Variants in BAZ2B observed in about 807,000 individuals in gnomAD.
The protein encoded by BAZ2B is bromodomain adjacent to zinc finger domain 2B.
In BAZ2B, 91 loss-of-function variants were observed where a neutral mutation model predicts 246.0. That is an observed-to-expected ratio of 0.37 (90% CI 0.31 to 0.44). The LOEUF (loss-of-function observed/expected upper bound fraction) is 0.44. Among genes scored for constraint, BAZ2B ranks in the 20% least tolerant of loss-of-function variants. The pLI is 1.00. For missense variants in BAZ2B, 2,332 were observed against 2,533.7 expected, an observed-to-expected ratio of 0.92 and a Z score of 1.71; for synonymous variants, 855 against 860.0, an observed-to-expected ratio of 0.99 and a Z score of 0.10.
chr2:159,575,065 T>A (rs1008514963), intron 1 of BAZ2B, among the ~76,000 whole-genome samples: 1 of 152,182 alleles, frequency 6.6e-6, no homozygotes, highest in African/African-American at 2.4e-5. Flanking sequence ...TTATGTTACA[T>A]GACAGAAGCC....
chr2:159,445,073 T>C (rs1319354999), intron 6 of BAZ2B, among the ~76,000 whole-genome samples: 1 of 152,154 alleles, frequency 6.6e-6, no homozygotes, highest in Admixed American at 6.6e-5. Flanking sequence ...ATGACCTACA[T>C]TTTATAAAAT....
chr2:159,587,709 G>C (rs1688362557), intron 1 of BAZ2B, among the ~76,000 whole-genome samples: 1 of 151,948 alleles, frequency 6.6e-6, no homozygotes, highest in South Asian at 2.1e-4. Flanking sequence ...TAATTCTCCG[G>C]ATGTACTTAT....
chr2:159,409,450 T>C (rs1440619060), intron 14 of BAZ2B, among the ~76,000 whole-genome samples: 1 of 152,226 alleles, frequency 6.6e-6, no homozygotes. Flanking sequence ...AAAGTCTTTA[T>C]CATATTCAAA....
At chr2:159,632,374 G>T in the BAZ2B span, among the ~76,000 whole-genome samples, 1 of 152,164 alleles carries the variant, frequency 6.6e-6, no homozygotes, top group East Asian at 1.9e-4. Flanking sequence ...TAAATTCTCA[G>T]GAATTTTGCA....
At chr2:159,668,680 T>C in the BAZ2B span, among the ~76,000 whole-genome samples, 2 of 152,228 alleles carry the variant, frequency 1.3e-5, no homozygotes, top group Non-Finnish European at 2.9e-5. Flanking sequence ...CTTTATTCCT[T>C]CTTCCTTCTA....
At chr2:159,672,898 T>A in the BAZ2B span, among the ~76,000 whole-genome samples, 2 of 152,104 alleles carry the variant, frequency 1.3e-5, no homozygotes, top group Non-Finnish European at 2.9e-5. Context: ...AAGTATGAAA[T>A]GATACAAAGA....
the BAZ2B span, among the ~76,000 whole-genome samples, chr2:159,624,422 C>T: frequency 6.6e-6 from 1 of 152,214 alleles, no homozygotes; most frequent in Non-Finnish European, 1.5e-5. Flanking sequence ...TAGGGGCTGA[C>T]AGATACCTCA....
chr2:159,546,860 G>A (rs1264285375), intron 2 of BAZ2B, among the ~76,000 whole-genome samples: 2 of 152,030 alleles, frequency 1.3e-5, no homozygotes, highest in Non-Finnish European at 1.5e-5. Flanking sequence ...AAATCTGAAA[G>A]GCAGAAATGA....
intron 1 of BAZ2B, among the ~76,000 whole-genome samples, chr2:159,607,205 C>T (rs185937608): frequency 6.6e-6 from 1 of 152,226 alleles, no homozygotes; most frequent in African/African-American, 2.4e-5. Context: ...CAGCAGTCTG[C>T]TTGTCTTCTG....
intron 14 of BAZ2B, chr2:159,412,076 G>A (rs915374228): frequency 1.7e-6 from 1 of 589,990 alleles, no homozygotes; most frequent in Admixed American, 6.3e-5. Context: ...TTCTGTGCAA[G>A]CCTTAAAAGC....
At chr2:159,661,813 A>G in the BAZ2B span, among the ~76,000 whole-genome samples, 4 of 151,750 alleles carry the variant, frequency 2.6e-5, no homozygotes, top group African/African-American at 9.7e-5. Flanking sequence ...GTCTCAGTAT[A>G]TTACTAAGGT....
chr2:159,374,796 T>G, intron 25 of BAZ2B, 43 bp from the exon 26 acceptor site: 5 of 1,545,400 alleles, frequency 3.2e-6, no homozygotes, highest in Non-Finnish European at 4.5e-6. Context: ...GTTTTAAGAT[T>G]TATTTATTCA....
chr2:159,555,149 TGGCACAA>T (rs1384700591), intron 2 of BAZ2B, among the ~76,000 whole-genome samples: 1 of 149,872 alleles, frequency 6.7e-6, no homozygotes, highest in Non-Finnish European at 1.5e-5. Flanking sequence ...TGGAGGGCAG[TGGCACAA>T]TCTCAGCTCA....
At chr2:159,542,242 G>C (rs959412213) in intron 2 of BAZ2B, among the ~76,000 whole-genome samples, 1 of 152,114 alleles carries the variant, frequency 6.6e-6, no homozygotes, top group Non-Finnish European at 1.5e-5. Flanking sequence ...GGAGAAGAAA[G>C]AGAGAAAGGA....
In BAZ2B at chr2:159,428,409, C is replaced by G. The variant is rs777599621; in HGVS notation, c.2266G>C (p.Glu756Gln). ...CCTCCAAAGTTTCTTATTCTTGTCT[C>G]TCTCTGCCAGCTACACATAACAGAA... Reference protein sequence around the residue: ...RIPLEYGWQRETRIRNFGGRL... With the variant: ...RIPLEYGWQRQTRIRNFGGRL... The change falls in exon 12 of 37, where the codon GAG becomes CAG. Residue 756 changes from glutamate (E) to glutamine (Q), a missense_variant. Physicochemically the swap from Glu to Gln is conservative, Grantham distance 29. Coordinates refer to ENST00000392783, the MANE Select transcript of BAZ2B (RefSeq NM_013450.4). 28 of 1,612,358 alleles carry G rather than the reference C, an allele frequency of 1.7e-5. No individual in the cohort carries two copies. In the Middle Eastern group the frequency reaches 1.8e-3, roughly 105 times the overall value.
chr2:159,517,888 A>G (rs1035655418), intron 2 of BAZ2B, among the ~76,000 whole-genome samples: 3 of 152,196 alleles, frequency 2.0e-5, no homozygotes, highest in Non-Finnish European at 2.9e-5. Flanking sequence ...ATGAAATAGC[A>G]AGTTTTCAAA....
At chr2:159,560,606 G>A (rs1484687563) in intron 1 of BAZ2B, among the ~76,000 whole-genome samples, 1 of 147,942 alleles carries the variant, frequency 6.8e-6, no homozygotes, top group East Asian at 2.0e-4. Flanking sequence ...GTCTTGCTCT[G>A]TCACCCAGGC....
intron 27 of BAZ2B, among the ~76,000 whole-genome samples, chr2:159,354,608 C>T (rs962097019): frequency 2.0e-5 from 3 of 152,118 alleles, no homozygotes; most frequent in African/African-American, 7.2e-5. Flanking sequence ...GCCTCAGCCT[C>T]CCAAAGTGCT....
chr2:159,570,614 T>C (rs190823155), intron 1 of BAZ2B, among the ~76,000 whole-genome samples: 27 of 151,706 alleles, frequency 1.8e-4, no homozygotes, highest in Middle Eastern at 3.4e-3. Flanking sequence ...GACTGACCCT[T>C]TCCTGTCATT....
Sources: allele counts gnomAD v4.1 joint callset (sites outside exome capture counted in the v4.1 genomes callset), GRCh38; gene constraint gnomAD v4.1.1; transcripts MANE v1.5; gene names NCBI Gene and HGNC (gene_info 2026-07-23, HGNC 2026-07-21).